The following CFDP1 variants were observed in gnomAD, a reference collection of about 807,000 sequenced individuals.
The protein encoded by CFDP1 is chromatin remodeling protein CFDP1.
A neutral mutation model predicts 40.1 loss-of-function variants in CFDP1; 31 were observed. That is an observed-to-expected ratio of 0.77 (90% CI 0.58 to 1.04). CFDP1 has a LOEUF of 1.04. CFDP1 is among the 50% of genes least tolerant of loss of function. CFDP1 has a pLI of 0.00. For missense variants in CFDP1, 423 were observed against 343.4 expected, an observed-to-expected ratio of 1.23 and a Z score of -1.83; for synonymous variants, 167 against 120.0, an observed-to-expected ratio of 1.39 and a Z score of -2.56.
intron 5 of CFDP1, among the ~76,000 whole-genome samples, chr16:75,330,974 A>AC (rs1178526383): frequency 0.015 from 2,255 of 151,496 alleles, 58 homozygotes; most frequent in African/African-American, 0.051. Flanking sequence ...AAAAAAAAAA[A>AC]AAAAAAAAAA....
intron 5 of CFDP1, among the ~76,000 whole-genome samples, chr16:75,382,597 A>T (rs552767672): frequency 6.6e-6 from 1 of 152,356 alleles, no homozygotes; most frequent in Admixed American, 6.5e-5. Flanking sequence ...GGTATCAAAA[A>T]TTTGGATTTA....
intron 5 of CFDP1, among the ~76,000 whole-genome samples, chr16:75,392,469 A>G (rs1279357902): frequency 6.6e-6 from 1 of 152,206 alleles, no homozygotes; most frequent in African/African-American, 2.4e-5. Flanking sequence ...GCATATAAGT[A>G]ACTGAAATAA....
chr16:75,416,775 T>C (rs192133245), intron 1 of CFDP1, among the ~76,000 whole-genome samples: 40 of 151,954 alleles, frequency 2.6e-4, no homozygotes, highest in Middle Eastern at 6.8e-3. Context: ...AATTAAAAAA[T>C]TTTTTAAAGG....
intron 5 of CFDP1, among the ~76,000 whole-genome samples, chr16:75,390,341 T>C (rs2865529): frequency 2.0e-5 from 3 of 152,252 alleles, no homozygotes; most frequent in Admixed American, 2.0e-4. Context: ...GCCCCTGCCC[T>C]TGCTGGCCTG....
chr16:75,429,330 A>C (rs2079382061), intron 1 of CFDP1, among the ~76,000 whole-genome samples: 1 of 152,140 alleles, frequency 6.6e-6, no homozygotes, highest in African/African-American at 2.4e-5. Flanking sequence ...CCTGAGGGGC[A>C]TGGTTACTTT....
chr16:75,431,454 CAAAA>C (rs60902612), intron 1 of CFDP1, among the ~76,000 whole-genome samples: 5 of 59,598 alleles, frequency 8.4e-5, no homozygotes, highest in South Asian at 7.8e-4. Flanking sequence ...ACTCTTGTCT[CAAAA>C]AAAAAAAAAA....
Position 75,364,130 on chromosome 16 carries a change from CAAAACA to C in CFDP1, c.650+30954_650+30959del, listed in dbSNP as rs909151375. Among the ~76,000 whole-genome samples, 12 of 150,656 alleles carry C rather than the reference CAAAACA, an allele frequency of 8.0e-5. No homozygotes were observed. In the Middle Eastern group the frequency reaches 0.01, roughly 128 times the overall value. On this transcript the variant is annotated intron_variant, in intron 5 of 6. Transcript: ENST00000283882. ...TTAAAGTGAAATTAAAAAAACAAAA[CAAAACA>C]AAACAAACAAACAAACAAAAAAAAC...
chr16:75,428,510 G>C (rs184437276), intron 1 of CFDP1, among the ~76,000 whole-genome samples: 1 of 151,896 alleles, frequency 6.6e-6, no homozygotes, highest in Admixed American at 6.6e-5. Context: ...CCAGCTACTC[G>C]AGAGGCTGAG....
intron 4 of CFDP1, among the ~76,000 whole-genome samples, chr16:75,400,773 C>T (rs1361656030): frequency 3.3e-5 from 5 of 152,336 alleles, no homozygotes; most frequent in African/African-American, 1.2e-4. Flanking sequence ...TGCTACGAAA[C>T]TCATATTGGA....
intron 5 of CFDP1, among the ~76,000 whole-genome samples, chr16:75,329,715 T>C (rs9936641): frequency 0.21 from 32,578 of 152,218 alleles, 3,854 homozygotes; most frequent in African/African-American, 0.31. Flanking sequence ...TGTGCAATCC[T>C]TTTTATAACA....
chr16:75,357,743 G>A (rs2078654270), intron 5 of CFDP1, among the ~76,000 whole-genome samples: 1 of 152,216 alleles, frequency 6.6e-6, no homozygotes, highest in African/African-American at 2.4e-5. Context: ...GCTGTCTTCA[G>A]ATCAGCAATA....
intron 5 of CFDP1, among the ~76,000 whole-genome samples, chr16:75,364,295 T>C (rs1440415040): frequency 6.6e-6 from 1 of 152,198 alleles, no homozygotes; most frequent in Admixed American, 6.5e-5. Context: ...ATTCTACCCT[T>C]TGCTGTCTTT....
At chr16:75,323,687 G>C (rs1691738763) in intron 5 of CFDP1, among the ~76,000 whole-genome samples, 1 of 151,416 alleles carries the variant, frequency 6.6e-6, no homozygotes. Context: ...GCTGAGGCAG[G>C]AGAACTGCTT....
intron 5 of CFDP1, among the ~76,000 whole-genome samples, chr16:75,377,421 C>A (rs976341817): frequency 1.6e-4 from 25 of 152,128 alleles, no homozygotes; most frequent in Admixed American, 1.6e-3. Flanking sequence ...ATTTATTGAC[C>A]AATCACAATT....
At chr16:75,392,493 C>T (rs1175848567) in intron 5 of CFDP1, among the ~76,000 whole-genome samples, 2 of 152,090 alleles carry the variant, frequency 1.3e-5, no homozygotes, top group South Asian at 2.1e-4. Flanking sequence ...TTCTATAAAA[C>T]ATTATTTATT....
intron 5 of CFDP1, among the ~76,000 whole-genome samples, chr16:75,311,118 C>A (rs2078290538): frequency 6.6e-6 from 1 of 152,090 alleles, no homozygotes; most frequent in Admixed American, 6.5e-5. Context: ...TTAGTCCAAC[C>A]TCCTTATTTT....
chr16:75,326,601 TAAC>T (rs2078402981), intron 5 of CFDP1, among the ~76,000 whole-genome samples: 1 of 152,178 alleles, frequency 6.6e-6, no homozygotes, highest in Non-Finnish European at 1.5e-5. Context: ...GTAAGGTGGC[TAAC>T]AACAGCTAGA....
At chr16:75,409,892 T>C (rs2079141435) in intron 4 of CFDP1, among the ~76,000 whole-genome samples, 1 of 151,498 alleles carries the variant, frequency 6.6e-6, no homozygotes, top group South Asian at 2.1e-4. Flanking sequence ...AGAGAGAAAA[T>C]TTTAATAATA....
chr16:75,333,324 C>T (rs1425368047), intron 5 of CFDP1, among the ~76,000 whole-genome samples: 2 of 151,364 alleles, frequency 1.3e-5, no homozygotes, highest in Non-Finnish European at 1.5e-5. Flanking sequence ...GGGGTTTCAC[C>T]GTGTTAGCCA....
Sources: gnomAD v4.1 joint callset for allele counts (sites outside exome capture counted in the v4.1 genomes callset) on GRCh38, gnomAD v4.1.1 for gene constraint, MANE v1.5 for transcripts, NCBI Gene and HGNC (gene_info 2026-07-23, HGNC 2026-07-21) for gene names.